Variants in GALNT13 observed in about 807,000 individuals in gnomAD.
The protein encoded by GALNT13 is UDP-GalNAc:polypeptide N-acetylgalactosaminyltransferase 13.
GALNT13 carries 28 observed loss-of-function variants against 64.2 expected under a neutral mutation model. The ratio of observed to expected loss-of-function variants is 0.44; its 90% CI spans 0.32 to 0.60. The LOEUF is 0.60. Ranked by LOEUF, GALNT13 falls within the 20% of genes least tolerant of loss-of-function variation. The probability of loss-of-function intolerance (pLI) is 0.05; values close to 1 mark genes in which losing one functional copy is unlikely to be tolerated. For synonymous variants in GALNT13, 214 were observed against 224.6 expected (o/e 0.95, Z 0.42); for missense variants, 577 against 669.8 (o/e 0.86, Z 1.53).
At chr2:153,077,280 T>A in the GALNT13 span, among the ~76,000 whole-genome samples, 3 of 151,844 alleles carry the variant, frequency 2.0e-5, no homozygotes, top group Non-Finnish European at 4.4e-5. Context: ...ACTATCTAGC[T>A]GCAGAAAAAA....
intron 2 of GALNT13, among the ~76,000 whole-genome samples, chr2:153,912,136 A>T (rs768392781): frequency 5.9e-5 from 9 of 151,716 alleles, no homozygotes; most frequent in Non-Finnish European, 1.2e-4. Context: ...GTCTGACTGT[A>T]TTATTTCAGA....
chr2:153,855,851 A>C, the GALNT13 span, among the ~76,000 whole-genome samples: 13 of 152,316 alleles, frequency 8.5e-5, no homozygotes, highest in South Asian at 2.5e-3. Context: ...TGAATGGATG[A>C]ATAAAATGTG....
chr2:153,746,211 C>T, the GALNT13 span, among the ~76,000 whole-genome samples: 1 of 152,132 alleles, frequency 6.6e-6, no homozygotes, highest in South Asian at 2.1e-4. Context: ...AACACACCTA[C>T]ATAGCCAGAG....
chr2:153,935,857 C>T (rs1172046322), intron 2 of GALNT13, among the ~76,000 whole-genome samples: 1 of 152,172 alleles, frequency 6.6e-6, no homozygotes, highest in Non-Finnish European at 1.5e-5. Context: ...GCCATTTCTT[C>T]CCCAGATGTC....
At chr2:153,311,944 G>A in the GALNT13 span, among the ~76,000 whole-genome samples, 1 of 152,188 alleles carries the variant, frequency 6.6e-6, no homozygotes, top group Admixed American at 6.5e-5. Flanking sequence ...GTAAGATGCT[G>A]AATGACAATC....
chr2:153,543,435 A>C, the GALNT13 span, among the ~76,000 whole-genome samples: 1 of 152,376 alleles, frequency 6.6e-6, no homozygotes, highest in Middle Eastern at 3.4e-3. Flanking sequence ...TTATAATTAT[A>C]TTACAAGGTC....
chr2:154,358,954 T>C (rs1476144627), intron 9 of GALNT13, among the ~76,000 whole-genome samples: 1 of 152,212 alleles, frequency 6.6e-6, no homozygotes, highest in African/African-American at 2.4e-5. Flanking sequence ...TGTAATAAAA[T>C]AGGACAAAAC....
chr2:154,274,792 A>G (rs1349764828), intron 8 of GALNT13, among the ~76,000 whole-genome samples: 1 of 152,198 alleles, frequency 6.6e-6, no homozygotes, highest in Non-Finnish European at 1.5e-5. Context: ...CCAAAAATGT[A>G]GAAGTGACTT....
chr2:153,160,647 AG>A, the GALNT13 span, among the ~76,000 whole-genome samples: 1 of 152,214 alleles, frequency 6.6e-6, no homozygotes, highest in African/African-American at 2.4e-5. Flanking sequence ...ATGTGTCCAT[AG>A]TGGGAAAGCA....
chr2:153,899,935 A>ATATTTT (rs1292303932), intron 1 of GALNT13, among the ~76,000 whole-genome samples: 1 of 98,170 alleles, frequency 1.0e-5, no homozygotes, highest in Non-Finnish European at 1.9e-5. Flanking sequence ...ATATATATAT[A>ATATTTT]TTTTTTTTTT....
chr2:153,861,902 A>G, the GALNT13 span, among the ~76,000 whole-genome samples: 1 of 152,132 alleles, frequency 6.6e-6, no homozygotes, highest in South Asian at 2.1e-4. Flanking sequence ...GGATGCCTAG[A>G]GGCCATGACA....
intron 3 of GALNT13, among the ~76,000 whole-genome samples, chr2:153,993,813 G>A (rs990968672): frequency 6.6e-6 from 1 of 151,502 alleles, no homozygotes; most frequent in Non-Finnish European, 1.5e-5. Context: ...TTCAAAAAAT[G>A]TAGGTAAACC....
the GALNT13 span, among the ~76,000 whole-genome samples, chr2:153,702,530 C>A: frequency 6.6e-6 from 1 of 151,784 alleles, no homozygotes; most frequent in Non-Finnish European, 1.5e-5. Context: ...ATAGCTTAGG[C>A]CAGGATGGGG....
chr2:153,106,976 A>G, the GALNT13 span, among the ~76,000 whole-genome samples: 18 of 152,148 alleles, frequency 1.2e-4, no homozygotes, highest in African/African-American at 4.3e-4. Flanking sequence ...TAAGCAACAC[A>G]CTTTTCAAAA....
At chr2:153,666,394 GTGCA>G in the GALNT13 span, among the ~76,000 whole-genome samples, 2 of 148,892 alleles carry the variant, frequency 1.3e-5, no homozygotes, top group South Asian at 4.5e-4. Context: ...CTCCTGGTGT[GTGCA>G]TGCATGCATA....
the GALNT13 span, among the ~76,000 whole-genome samples, chr2:153,695,074 A>G: frequency 6.6e-6 from 1 of 152,218 alleles, no homozygotes; most frequent in Non-Finnish European, 1.5e-5. Flanking sequence ...GACTTCTCCC[A>G]GTAAGTAACA....
intron 6 of GALNT13, among the ~76,000 whole-genome samples, chr2:154,244,198 T>G (rs1689651451): frequency 6.6e-6 from 1 of 152,178 alleles, no homozygotes; most frequent in South Asian, 2.1e-4. Flanking sequence ...TCTAACAACA[T>G]AATTGCACTG....
chr2:153,621,402 C>A, the GALNT13 span, among the ~76,000 whole-genome samples: 1 of 152,074 alleles, frequency 6.6e-6, no homozygotes, highest in East Asian at 1.9e-4. Flanking sequence ...AGATCTGAAG[C>A]CAGAACAGCA....
the GALNT13 span, among the ~76,000 whole-genome samples, chr2:153,213,294 C>T: frequency 6.6e-6 from 1 of 152,216 alleles, no homozygotes; most frequent in Non-Finnish European, 1.5e-5. Flanking sequence ...GGGTTTGTGT[C>T]ATAGCTGAAG....
Sources: allele counts gnomAD v4.1 joint callset (sites outside exome capture counted in the v4.1 genomes callset), GRCh38; gene constraint gnomAD v4.1.1; transcripts MANE v1.5; gene names NCBI Gene and HGNC (gene_info 2026-07-23, HGNC 2026-07-21).